GALNTL6: variants seen among roughly 807,000 people sequenced by gnomAD.
GALNTL6 encodes the protein polypeptide N-acetylgalactosaminyltransferase-like 6.
Under a neutral mutation model 73.7 loss-of-function variants are expected in GALNTL6, and 46 were observed. The observed-to-expected ratio is 0.62, with a 90% CI of 0.49 to 0.80. The LOEUF is 0.80. Among genes scored for constraint, GALNTL6 ranks in the 30% least tolerant of loss-of-function variants. The pLI, the probability that GALNTL6 is intolerant of heterozygous loss-of-function variation, is 0.00. For missense variants in GALNTL6, 604 were observed against 755.0 expected, an observed-to-expected ratio of 0.80 and a Z score of 2.34; for synonymous variants, 259 against 263.7, an observed-to-expected ratio of 0.98 and a Z score of 0.17.
chr4:172,537,933 A>G (rs1290501719), intron 5 of GALNTL6, among the ~76,000 whole-genome samples: 1 of 152,124 alleles, frequency 6.6e-6, no homozygotes, highest in Non-Finnish European at 1.5e-5. Flanking sequence ...TTGGTTAGGA[A>G]ATGCTCTATG....
chr4:172,499,259 T>C (rs1343760392), intron 5 of GALNTL6, among the ~76,000 whole-genome samples: 1 of 152,148 alleles, frequency 6.6e-6, no homozygotes, highest in Non-Finnish European at 1.5e-5. Flanking sequence ...AATTCAGTCA[T>C]ACAGATGGAG....
intron 5 of GALNTL6, among the ~76,000 whole-genome samples, chr4:172,802,941 T>C (rs1740735954): frequency 6.6e-6 from 1 of 152,238 alleles, no homozygotes; most frequent in East Asian, 1.9e-4. Context: ...TAGAAGAAGT[T>C]AATGACTTAC....
At chr4:172,827,929 T>C (rs1742357027) in intron 7 of GALNTL6, among the ~76,000 whole-genome samples, 1 of 152,088 alleles carries the variant, frequency 6.6e-6, no homozygotes, top group Non-Finnish European at 1.5e-5. Flanking sequence ...GCCTTCTGCT[T>C]GCACTTTAGA....
At chr4:171,849,421 G>T (rs913446180) in intron 2 of GALNTL6, among the ~76,000 whole-genome samples, 3 of 152,198 alleles carry the variant, frequency 2.0e-5, no homozygotes, top group Non-Finnish European at 4.4e-5. Context: ...TGGAGCTTGA[G>T]AGGAGAGATA....
At chr4:172,452,570 A>G (rs1037988132) in intron 5 of GALNTL6, among the ~76,000 whole-genome samples, 7 of 152,160 alleles carry the variant, frequency 4.6e-5, no homozygotes, top group African/African-American at 1.7e-4. Context: ...TGTGGATAAA[A>G]TCTTTCTCTA....
intron 4 of GALNTL6, among the ~76,000 whole-genome samples, chr4:172,346,573 T>G (rs1356404036): frequency 1.3e-5 from 2 of 152,224 alleles, no homozygotes; most frequent in Non-Finnish European, 2.9e-5. Flanking sequence ...TCAAATAATC[T>G]TATAGCACTC....
At chr4:172,762,199 G>T (rs978200601) in intron 5 of GALNTL6, among the ~76,000 whole-genome samples, 1 of 152,162 alleles carries the variant, frequency 6.6e-6, no homozygotes, top group Non-Finnish European at 1.5e-5. Context: ...GCCTGCAAAA[G>T]CGTACTTGAG....
At chr4:171,888,555 T>C (rs1335113770) in intron 2 of GALNTL6, among the ~76,000 whole-genome samples, 2 of 152,002 alleles carry the variant, frequency 1.3e-5, no homozygotes, top group African/African-American at 2.4e-5. Flanking sequence ...TCCTCAAGTC[T>C]GTCAGGGAAT....
At chr4:172,069,606 T>A (rs1322260331) in intron 2 of GALNTL6, among the ~76,000 whole-genome samples, 5 of 25,852 alleles carry the variant, frequency 1.9e-4, no homozygotes, top group Non-Finnish European at 7.4e-4. Flanking sequence ...ACATATATGT[T>A]ATATATATAT....
chr4:172,267,141 C>A (rs1738475904), intron 3 of GALNTL6, among the ~76,000 whole-genome samples: 1 of 152,002 alleles, frequency 6.6e-6, no homozygotes, highest in South Asian at 2.1e-4. Flanking sequence ...GCTAAAAATA[C>A]AAACATGGAT....
At chr4:172,156,216 T>A (rs1311255722) in intron 2 of GALNTL6, among the ~76,000 whole-genome samples, 1 of 152,034 alleles carries the variant, frequency 6.6e-6, no homozygotes, top group Non-Finnish European at 1.5e-5. Context: ...TTTTCGATCT[T>A]CAGCGGGTAT....
At chr4:172,358,975 A>G (rs990288648) in intron 5 of GALNTL6, among the ~76,000 whole-genome samples, 1 of 151,808 alleles carries the variant, frequency 6.6e-6, no homozygotes, top group African/African-American at 2.4e-5. Flanking sequence ...CAGTGTGGCA[A>G]TTTCCCAAAG....
chr4:172,823,537 T>C (rs1222977250), intron 7 of GALNTL6, among the ~76,000 whole-genome samples: 1 of 152,176 alleles, frequency 6.6e-6, no homozygotes, highest in East Asian at 1.9e-4. Flanking sequence ...TTGTGTATAT[T>C]TGAAAAAGGG....
intron 2 of GALNTL6, among the ~76,000 whole-genome samples, chr4:172,165,522 C>T (rs1734595063): frequency 6.6e-6 from 1 of 152,084 alleles, no homozygotes; most frequent in Non-Finnish European, 1.5e-5. Flanking sequence ...GAGAGAATGA[C>T]CCATGTGGCA....
chr4:172,361,020 A>G (rs1003904176), intron 5 of GALNTL6, among the ~76,000 whole-genome samples: 5 of 152,110 alleles, frequency 3.3e-5, no homozygotes, highest in Non-Finnish European at 7.4e-5. Context: ...AGGAAACAAC[A>G]TACCTCCTTA....
intron 10 of GALNTL6, among the ~76,000 whole-genome samples, chr4:172,953,240 C>T (rs549213174): frequency 4.1e-4 from 63 of 152,258 alleles, no homozygotes; most frequent in African/African-American, 1.4e-3. Context: ...GCACTGGGTT[C>T]GGTTCCATTC....
intron 2 of GALNTL6, among the ~76,000 whole-genome samples, chr4:171,892,287 C>T (rs961209735): frequency 2.6e-5 from 4 of 152,056 alleles, no homozygotes; most frequent in African/African-American, 9.7e-5. Context: ...TGGTGGTATC[C>T]CCCATATATA....
chr4:172,264,693 A>G (rs1439138361), intron 3 of GALNTL6, among the ~76,000 whole-genome samples: 1 of 148,432 alleles, frequency 6.7e-6, no homozygotes, highest in Admixed American at 6.8e-5. Flanking sequence ...TATAATTGGA[A>G]CAGTTTTCAT....
intron 5 of GALNTL6, among the ~76,000 whole-genome samples, chr4:172,770,034 T>G (rs1033759702): frequency 1.3e-5 from 2 of 152,064 alleles, no homozygotes; most frequent in African/African-American, 4.8e-5. Context: ...GAGGCCAAGT[T>G]GGGTGGGTCA....
Sources: gnomAD v4.1 joint callset for allele counts (sites outside exome capture counted in the v4.1 genomes callset) on GRCh38, gnomAD v4.1.1 for gene constraint, MANE v1.5 for transcripts, NCBI Gene and HGNC (gene_info 2026-07-23, HGNC 2026-07-21) for gene names.